SORCS2: variants seen among roughly 807,000 people sequenced by gnomAD.
SORCS2 encodes sortilin related VPS10 domain containing receptor 2.
A neutral mutation model predicts 141.6 loss-of-function variants in SORCS2; 100 were observed. That is an observed-to-expected ratio of 0.71 (90% CI 0.60 to 0.83). The LOEUF is 0.83. SORCS2 is among the 40% of genes least tolerant of loss of function. The probability of loss-of-function intolerance (pLI) is 0.00; values close to 1 mark genes in which losing one functional copy is unlikely to be tolerated. For missense variants in SORCS2, 1,646 were observed against 1,560.2 expected (o/e 1.05, Z -0.93); for synonymous variants, 789 against 676.9 (o/e 1.17, Z -2.57).
At position 7,201,537 on chromosome 4, in the gene SORCS2, C is replaced by CTAAA. The variant is rs556158351; in HGVS notation, c.480+8414_480+8415insATAA. ...TTTATGGTGATTTTTCAGAGTCAGG[C>CTAAA]TAAGACTTGTGCAGATGATTCGATG... On this transcript the variant is annotated intron_variant, in intron 1 of 26. Transcript: ENST00000507866. The surrounding 1 kb of genome is among the most constrained non-coding windows in gnomAD (Gnocchi z 4.4). 2.9e-3 allele frequency among the ~76,000 whole-genome samples: 444 copies of CTAAA among 152,290 alleles called. 2 individuals are homozygous for CTAAA. The highest frequency in any genetic ancestry group is 9.7e-3 in the African/African-American group (404 of 41,568).
At position 7,365,699 on chromosome 4, in the gene SORCS2, G is replaced by T. The variant is rs116881131; in HGVS notation, c.481-30589G>T. ...AGACAATGGGCACCCCGGCGTGCAG[G>T]CTTTGTGCCTGTCGAACCTGGCACA... On this transcript the variant is annotated intron_variant, in intron 1 of 26. Transcript: ENST00000507866. Among the ~76,000 whole-genome samples, 132 of 152,304 alleles carry T rather than the reference G, an allele frequency of 8.7e-4. No homozygotes were observed. In the East Asian group the frequency reaches 0.019, roughly 22 times the overall value.
intron 1 of SORCS2, among the ~76,000 whole-genome samples, chr4:7,242,139 T>G (rs928569375): frequency 6.6e-6 from 1 of 152,190 alleles, no homozygotes; most frequent in African/African-American, 2.4e-5. Context: ...GGCTGGTCCT[T>G]AGGAAAGCGG....
rs962099409 is a variant in SORCS2, at chr4:7,511,956, C to T, written c.549-19574C>T. ...TCCCTTTGCAGGTCCTGGAGGGGCA[C>T]GCGCTGCTGTGGGAGACACGGTGCC... is the stretch of plus-strand genomic sequence containing the variant. On this transcript the variant is annotated intron_variant, in intron 2 of 26. Coordinates refer to ENST00000507866, the MANE Select transcript of SORCS2 (RefSeq NM_020777.3). Among the ~76,000 whole-genome samples, 7 of 152,320 alleles carry T rather than the reference C, an allele frequency of 4.6e-5. No individual in the cohort carries two copies. The South Asian group carries it at 8.3e-4, about 18-fold the overall frequency.
At chr4:7,299,792 A>T (rs1054837226) in intron 1 of SORCS2, among the ~76,000 whole-genome samples, 2 of 152,098 alleles carry the variant, frequency 1.3e-5, no homozygotes, top group African/African-American at 2.4e-5. Flanking sequence ...TGGGACTTCA[A>T]GCTCTGCAAC....
intron 2 of SORCS2, among the ~76,000 whole-genome samples, chr4:7,460,841 TCA>T (rs1729257594): frequency 6.6e-6 from 1 of 152,228 alleles, no homozygotes; most frequent in Admixed American, 6.5e-5. Flanking sequence ...TGCCGTGAAC[TCA>T]CAGTCGCCTC....
chr4:7,585,116 C>G (rs975185316), intron 3 of SORCS2, among the ~76,000 whole-genome samples: 16 of 152,212 alleles, frequency 1.1e-4, no homozygotes, highest in African/African-American at 3.6e-4. Flanking sequence ...GAGAAAAGAT[C>G]TGAGACAAGC....
At chr4:7,569,285 G>A (rs1715221597) in intron 3 of SORCS2, among the ~76,000 whole-genome samples, 1 of 152,156 alleles carries the variant, frequency 6.6e-6, no homozygotes, top group Admixed American at 6.5e-5. Context: ...GGCTGAGGTG[G>A]GCAGATCACA....
At chr4:7,367,721 G>A (rs1406884331) in intron 1 of SORCS2, among the ~76,000 whole-genome samples, 4 of 152,218 alleles carry the variant, frequency 2.6e-5, no homozygotes, top group African/African-American at 4.8e-5. Context: ...TGCTTATTAT[G>A]GGTCTGTGAA....
At chr4:7,580,336 C>A (rs1344947284) in intron 3 of SORCS2, among the ~76,000 whole-genome samples, 1 of 151,852 alleles carries the variant, frequency 6.6e-6, no homozygotes, top group Non-Finnish European at 1.5e-5. Context: ...ATGCAGAAAA[C>A]AAAAATAGCT....
intron 1 of SORCS2, among the ~76,000 whole-genome samples, chr4:7,264,896 G>C (rs552406031): frequency 1.4e-4 from 21 of 152,206 alleles, no homozygotes; most frequent in Non-Finnish European, 2.8e-4. Flanking sequence ...TGCCATGCCA[G>C]ACCCCAGCCT....
chr4:7,306,103 C>G (rs1384245096), intron 1 of SORCS2, among the ~76,000 whole-genome samples: 2 of 152,202 alleles, frequency 1.3e-5, no homozygotes, highest in South Asian at 2.1e-4. Flanking sequence ...TCCCGGTGCT[C>G]TGTTCCACCC....
chr4:7,644,117 T>A (rs1408434912), intron 4 of SORCS2, among the ~76,000 whole-genome samples: 1 of 151,754 alleles, frequency 6.6e-6, no homozygotes, highest in Admixed American at 6.6e-5. Flanking sequence ...AGGGAGAGGG[T>A]TTTACACTAG....
At chr4:7,368,941 C>T (rs982554033) in intron 1 of SORCS2, among the ~76,000 whole-genome samples, 14 of 152,140 alleles carry the variant, frequency 9.2e-5, no homozygotes, top group African/African-American at 2.4e-4. Context: ...GTGCTCTTCT[C>T]TGTGTGCATC....
chr4:7,398,412 G>A (rs1724359127), intron 2 of SORCS2, among the ~76,000 whole-genome samples: 1 of 152,222 alleles, frequency 6.6e-6, no homozygotes, highest in South Asian at 2.1e-4. Flanking sequence ...TGTGTGAAAT[G>A]TCCCTAGAAC....
At chr4:7,450,013 C>T (rs1206872963) in intron 2 of SORCS2, among the ~76,000 whole-genome samples, 3 of 152,196 alleles carry the variant, frequency 2.0e-5, no homozygotes, top group East Asian at 1.9e-4. Context: ...CCCTGGGACA[C>T]GTGGGGCTGG....
chr4:7,239,727 G>C (rs1712556395), intron 1 of SORCS2, among the ~76,000 whole-genome samples: 1 of 152,228 alleles, frequency 6.6e-6, no homozygotes, highest in African/African-American at 2.4e-5. Context: ...CAGGGGTTCT[G>C]GCCGAAAAGT....
At chr4:7,580,020 GT>G (rs920652716) in intron 3 of SORCS2, among the ~76,000 whole-genome samples, 4 of 152,124 alleles carry the variant, frequency 2.6e-5, no homozygotes, top group Admixed American at 6.5e-5. Flanking sequence ...AAGTAGATGT[GT>G]TTGTTTATGA....
chr4:7,529,648 G>T lies in SORCS2; in HGVS notation c.549-1882G>T, dbSNP rs550173352. On this transcript the variant is annotated intron_variant, in intron 2 of 26. Coordinates refer to ENST00000507866, the MANE Select transcript of SORCS2 (RefSeq NM_020777.3). ...CTTGGAGATGGCTCAGCAGGGTGGG[G>T]AAGGAAGGGGAGGCTTCCCCTGTGT... Among the ~76,000 whole-genome samples the T allele has an allele frequency of 1.7e-4, 26 of 152,320 alleles. 1 individual carries two copies. In the South Asian group the frequency reaches 2.5e-3, roughly 15 times the overall value.
At chr4:7,534,989 A>G (rs1053719356) in intron 3 of SORCS2, among the ~76,000 whole-genome samples, 2 of 152,058 alleles carry the variant, frequency 1.3e-5, no homozygotes, top group African/African-American at 4.8e-5. Context: ...TGTTCTGCCC[A>G]CCCCACAGCC....
Sources: gnomAD v4.1 joint callset for allele counts (sites outside exome capture counted in the v4.1 genomes callset) on GRCh38, gnomAD v4.1.1 for gene constraint, Gnocchi (gnomAD v3.1) non-coding constraint, MANE v1.5 for transcripts, NCBI Gene and HGNC (gene_info 2026-07-23, HGNC 2026-07-21) for gene names.